CTBP2: variants seen among roughly 807,000 people sequenced by gnomAD.
CTBP2 encodes the protein C-terminal binding protein 2.
A neutral mutation model predicts 80.3 loss-of-function variants in CTBP2; 30 were observed. That is an observed-to-expected ratio of 0.37 (90% CI 0.28 to 0.51). CTBP2 has a LOEUF of 0.51. Ranked by LOEUF, CTBP2 falls within the 20% of genes least tolerant of loss-of-function variation. The pLI, the probability that CTBP2 is intolerant of heterozygous loss-of-function variation, is 0.93. For synonymous variants in CTBP2, 594 were observed against 587.4 expected, an observed-to-expected ratio of 1.01 and a Z score of -0.16; for missense variants, 1,212 against 1,375.3, an observed-to-expected ratio of 0.88 and a Z score of 1.88.
chr10:125,140,893 A>C (rs1208017548), intron 1 of CTBP2, among the ~76,000 whole-genome samples: 1 of 152,098 alleles, frequency 6.6e-6, no homozygotes, highest in Non-Finnish European at 1.5e-5. Context: ...CATACCCAGC[A>C]CTTTGGGAGG....
At chr10:125,096,570 A>AG (rs1554923033) in intron 2 of CTBP2, among the ~76,000 whole-genome samples, 3 of 152,170 alleles carry the variant, frequency 2.0e-5, no homozygotes, top group African/African-American at 7.2e-5. Flanking sequence ...TGCAGGTTAT[A>AG]GCACGTGGTC....
chr10:125,079,150 GAAAAAAAA>G (rs58370199), intron 2 of CTBP2, among the ~76,000 whole-genome samples: 5 of 101,162 alleles, frequency 4.9e-5, no homozygotes, highest in African/African-American at 1.2e-4. Flanking sequence ...TTGTCTCGAG[GAAAAAAAA>G]AAAAAAAAAA....
intron 3 of CTBP2, among the ~76,000 whole-genome samples, chr10:125,035,913 T>C (rs770712377): frequency 1.3e-5 from 2 of 152,206 alleles, no homozygotes; most frequent in Non-Finnish European, 2.9e-5. Context: ...GGCTCCTTCG[T>C]AATAATTCTT....
At chr10:125,078,850 T>A (rs1338657858) in intron 2 of CTBP2, among the ~76,000 whole-genome samples, 2 of 152,052 alleles carry the variant, frequency 1.3e-5, no homozygotes, top group Non-Finnish European at 2.9e-5. Context: ...AAATTTGGAA[T>A]AACCAGGCCT....
chr10:125,147,267 C>T (rs1394041411), intron 1 of CTBP2, among the ~76,000 whole-genome samples: 5 of 152,200 alleles, frequency 3.3e-5, no homozygotes, highest in Admixed American at 6.5e-5. Context: ...CAAACCTGAG[C>T]GACCCTTCTC....
intron 1 of CTBP2, among the ~76,000 whole-genome samples, chr10:125,115,827 GA>G (rs141399006): frequency 0.098 from 14,919 of 152,132 alleles, 1,013 homozygotes; most frequent in African/African-American, 0.18. Context: ...GCTGTGCTCA[GA>G]AAAGAGGGAT....
At chr10:125,103,244 C>T (rs556398408) in intron 2 of CTBP2, among the ~76,000 whole-genome samples, 10 of 152,190 alleles carry the variant, frequency 6.6e-5, no homozygotes, top group Non-Finnish European at 1.0e-4. Context: ...GCCCAGCCCA[C>T]TCCACACCCC....
chr10:125,090,082 T>C (rs1848542982), intron 2 of CTBP2, among the ~76,000 whole-genome samples: 1 of 151,968 alleles, frequency 6.6e-6, no homozygotes. Flanking sequence ...CCCCCTTTCA[T>C]GGGCAGGGGT....
At chr10:125,072,568 A>C (rs1040695219) in intron 2 of CTBP2, among the ~76,000 whole-genome samples, 2 of 140,774 alleles carry the variant, frequency 1.4e-5, no homozygotes, top group African/African-American at 5.2e-5. Flanking sequence ...GTGAGCCAGG[A>C]TTGCACCACT....
chr10:125,073,130 G>C (rs1360172959), intron 2 of CTBP2, among the ~76,000 whole-genome samples: 2 of 152,248 alleles, frequency 1.3e-5, no homozygotes, highest in Non-Finnish European at 2.9e-5. Flanking sequence ...GTCTGCAATG[G>C]CAAGGGCCAC....
intron 2 of CTBP2, among the ~76,000 whole-genome samples, chr10:125,052,334 C>T (rs117795922): frequency 0.041 from 6,278 of 152,328 alleles, 177 homozygotes; most frequent in Non-Finnish European, 0.056. Flanking sequence ...TGGCCATTTC[C>T]CAGCAGTGGT....
chr10:125,059,422 A>G (rs1289767722), intron 2 of CTBP2, among the ~76,000 whole-genome samples: 1 of 152,134 alleles, frequency 6.6e-6, no homozygotes, highest in East Asian at 1.9e-4. Context: ...CTCTACTTAA[A>G]ATACAAAAAA....
intron 1 of CTBP2, among the ~76,000 whole-genome samples, chr10:125,021,164 G>C (rs1590120750): frequency 6.6e-6 from 1 of 152,144 alleles, no homozygotes; most frequent in South Asian, 2.1e-4. Flanking sequence ...TGTGAGAAGA[G>C]GCCAAGGGTC....
At chr10:125,110,864 T>C (rs986177617) in intron 2 of CTBP2, 126 bp downstream of exon 2, 2 of 152,284 alleles carry the variant, frequency 1.3e-5, no homozygotes, top group Non-Finnish European at 2.9e-5. Context: ...GATCCCACGA[T>C]TAGACATCCC....
chr10:125,048,285 A>G, intron 2 of CTBP2, among the ~76,000 whole-genome samples: 1 of 152,140 alleles, frequency 6.6e-6, no homozygotes, highest in East Asian at 1.9e-4. Context: ...GGCCTTCCAG[A>G]GGCTGCAGAG....
chr10:125,014,050 G>A (rs577459367), intron 1 of CTBP2, among the ~76,000 whole-genome samples: 1 of 152,202 alleles, frequency 6.6e-6, no homozygotes, highest in African/African-American at 2.4e-5. Context: ...TGTCTCTCTA[G>A]ATCTTGCAGC....
chr10:125,130,600 G>A (rs1201669422), intron 1 of CTBP2, among the ~76,000 whole-genome samples: 4 of 152,208 alleles, frequency 2.6e-5, no homozygotes, highest in Non-Finnish European at 4.4e-5. Flanking sequence ...GGCCCAAGAA[G>A]CTTTTAAAGT....
chr10:124,995,453 A>T (rs564307066), intron 4 of CTBP2, among the ~76,000 whole-genome samples: 1 of 152,210 alleles, frequency 6.6e-6, no homozygotes, highest in South Asian at 2.1e-4. Context: ...CAAAATGGTT[A>T]GTGTTGATGC....
Position 124,985,001 on chromosome 10 carries a change from A to T in CTBP2, c.*4517T>A, listed in dbSNP as rs1466106216. 2 of 1,591,092 alleles carry T rather than the reference A, an allele frequency of 1.3e-6. No individual in the cohort carries two copies. The highest frequency in any genetic ancestry group is 1.7e-6 in the Non-Finnish European group (2 of 1,164,346). ...ATGATGAAGATGAATGAAAAAAAAA[A>T]TCAAACAGCAGAAGACCAAGGCATC... On this transcript the variant is annotated 3_prime_UTR_variant, in exon 9 of 9. Transcript: ENST00000309035.
Sources: gnomAD v4.1 joint callset for allele counts (sites outside exome capture counted in the v4.1 genomes callset) on GRCh38, gnomAD v4.1.1 for gene constraint, MANE v1.5 for transcripts, NCBI Gene and HGNC (gene_info 2026-07-23, HGNC 2026-07-21) for gene names.